The following ELAVL3 variants were observed in gnomAD, a reference collection of about 807,000 sequenced individuals.
ELAVL3 encodes the protein ELAV like RNA binding protein 3.
In ELAVL3, 8 loss-of-function variants were observed where a neutral mutation model predicts 34.2. That is an observed-to-expected ratio of 0.23 (90% CI 0.14 to 0.42). ELAVL3 has a LOEUF of 0.42. ELAVL3 is among the 10% of genes least tolerant of loss of function. The pLI is 1.00. For missense variants in ELAVL3, 273 were observed against 518.8 expected (o/e 0.53, Z 4.60); for synonymous variants, 209 against 222.1 (o/e 0.94, Z 0.53).
At position 11,452,109 on chromosome 19, in the gene ELAVL3, C is replaced by T. The variant is rs1970657899; in HGVS notation, c.*2417G>A. The T allele has an allele frequency of 6.6e-6, 1 of 152,206 alleles. No homozygotes were observed. The highest frequency in any genetic ancestry group is 2.1e-4 in the South Asian group (1 of 4,828). The allele number at this position is 152,206 out of a possible 1,614,324, so 9.4% of individuals were successfully genotyped here. On this transcript the variant is annotated 3_prime_UTR_variant, in exon 7 of 7. Transcript: ENST00000359227. The stretch of plus-strand genomic sequence containing the variant: ...AATAGGACTGAAAAAATTCTCAAGA[C>T]AAGAGCAAAAAGAATCCCATTGGTG...
At chr19:11,471,655 T>C (rs893935763) in intron 1 of ELAVL3, among the ~76,000 whole-genome samples, 1 of 151,920 alleles carries the variant, frequency 6.6e-6, no homozygotes, top group Non-Finnish European at 1.5e-5. Context: ...GGTGTCACTA[T>C]GTCGCCCAGG....
intron 3 of ELAVL3, among the ~76,000 whole-genome samples, chr19:11,465,083 A>G (rs1451586079): frequency 9.0e-6 from 1 of 111,528 alleles, no homozygotes; most frequent in African/African-American, 3.9e-5. Flanking sequence ...CCCCACACAG[A>G]CACACACACA....
At chr19:11,473,645 CA>C (rs1346936557) in intron 1 of ELAVL3, among the ~76,000 whole-genome samples, 1 of 152,190 alleles carries the variant, frequency 6.6e-6, no homozygotes, top group Non-Finnish European at 1.5e-5. Context: ...TTTCCTCCCC[CA>C]CTTCACCCCC....
In ELAVL3 at chr19:11,458,762, G is replaced by A. The variant is rs1169292667; in HGVS notation, c.334-151C>T. ...TCTAGAGTTGTCACCGTGGGGTGGG[G>A]CTGAGTCAGATATGGGAGAGGGGAC... On this transcript the variant is annotated intron_variant, in intron 3 of 6. Coordinates refer to ENST00000359227, the MANE Select transcript of ELAVL3 (RefSeq NM_001420.4). The surrounding 1 kb of genome is among the most constrained non-coding windows in gnomAD (Gnocchi z 7.3). The A allele has an allele frequency of 3.8e-6, 4 of 1,062,114 alleles. No individual in the cohort carries two copies. Among genetic ancestry groups the A allele is most frequent in the Non-Finnish European group, 5.4e-6 (4 of 740,766 alleles). 65.8% of individuals were successfully genotyped at this position (1,062,114 alleles called of 1,614,324 possible). A position where few individuals can be genotyped will look rare whatever the true frequency, so the allele number is the denominator to read the frequency against.
chr19:11,455,754 T>C (rs570717916), intron 6 of ELAVL3, among the ~76,000 whole-genome samples: 2 of 152,230 alleles, frequency 1.3e-5, no homozygotes, highest in Non-Finnish European at 2.9e-5. Context: ...ATCATATATT[T>C]ATTATCATCA....
Position 11,466,056 on chromosome 19 carries a change from A to T in ELAVL3, c.333+116T>A, listed in dbSNP as rs1971046161. 1.1e-6 allele frequency: 1 copy of T among 915,212 alleles called. No individual in the cohort carries two copies. The highest frequency in any genetic ancestry group is 1.7e-6 in the Non-Finnish European group (1 of 579,384). 56.7% of individuals were successfully genotyped at this position (915,212 alleles called of 1,614,324 possible). Reference sequence around the variant, plus strand: ...AGGGGAGATTTGAGCCCCTCTGGGGATGAGTCCTGAAAGGCAGTGGACATG... The same window carrying T: ...AGGGGAGATTTGAGCCCCTCTGGGGTTGAGTCCTGAAAGGCAGTGGACATG... On this transcript the variant is annotated intron_variant, in intron 3 of 6. Transcript: ENST00000359227. This position sits in a 1 kb window ranked among gnomAD's most constrained non-coding sequence, Gnocchi z 5.0.
intron 1 of ELAVL3, among the ~76,000 whole-genome samples, chr19:11,471,320 ATT>A (rs923007289): frequency 7.5e-6 from 1 of 133,408 alleles, no homozygotes; most frequent in Admixed American, 7.6e-5. Flanking sequence ...AAAAAAAAAA[ATT>A]TTTTTTTTTG....
chr19:11,461,213 T>C (rs1023875140), intron 3 of ELAVL3, among the ~76,000 whole-genome samples: 3 of 152,008 alleles, frequency 2.0e-5, no homozygotes, highest in African/African-American at 7.2e-5. Context: ...GACATATATA[T>C]TTATTTCCCA....
At chr19:11,459,033 G>A (rs912865007) in intron 3 of ELAVL3, among the ~76,000 whole-genome samples, 4 of 150,748 alleles carry the variant, frequency 2.7e-5, no homozygotes, top group Non-Finnish European at 5.9e-5. Context: ...CTACAGCCTC[G>A]ACCTCTTGGG....
At chr19:11,471,854 A>G (rs1033685542) in intron 1 of ELAVL3, among the ~76,000 whole-genome samples, 2 of 152,196 alleles carry the variant, frequency 1.3e-5, no homozygotes, top group Non-Finnish European at 2.9e-5. Flanking sequence ...CACTTTGCTG[A>G]AAATTCAGAA....
chr19:11,458,507 G>C lies in ELAVL3; in HGVS notation c.438C>G (p.Ser146=). 6.2e-7 allele frequency: 1 copy of C among 1,614,160 alleles called. No individual in the cohort carries two copies. Among genetic ancestry groups the C allele is most frequent in the East Asian group, 2.2e-5 (1 of 44,872 alleles). ...MSQKEMEQLF[S]QYGRIITSRI... is the part of the protein sequence containing the mutation. ...GGGACGTGATGATGCGGCCGTACTG[G>C]GAGAAGAGCTGCTCCATCTCTTTCT... is the stretch of plus-strand genomic sequence containing the variant. Residue 146 remains serine (S), a synonymous_variant, in exon 4 of 7, where the codon TCC becomes TCG. Coordinates refer to ENST00000359227, the MANE Select transcript of ELAVL3 (RefSeq NM_001420.4). This position sits in a 1 kb window ranked among gnomAD's most constrained non-coding sequence, Gnocchi z 7.3.
Position 11,455,029 on chromosome 19 carries a change from C to T in ELAVL3, c.753-152G>A, listed in dbSNP as rs966887848. The T allele has an allele frequency of 6.8e-5, 59 of 865,092 alleles. 1 individual carries two copies. The highest frequency in any genetic ancestry group is 2.9e-4 in the East Asian group (12 of 41,010). The allele number at this position is 865,092 out of a possible 1,614,324, so 53.6% of individuals were successfully genotyped here. On this transcript the variant is annotated intron_variant, in intron 6 of 6. Coordinates refer to ENST00000359227, the MANE Select transcript of ELAVL3 (RefSeq NM_001420.4). ...ATTTTTTTTTTTAGAGACACGGTCT[C>T]GCTCTGTCACCCAGGCTGGAGTGCA... is the stretch of plus-strand genomic sequence containing the variant.
Position 11,458,434 on chromosome 19 carries a change from G to T in ELAVL3, c.487+24C>A. 1 of 1,613,712 alleles carries T rather than the reference G, an allele frequency of 6.2e-7. No individual in the cohort carries two copies. The highest frequency in any genetic ancestry group is 1.1e-5 in the South Asian group (1 of 91,066). On this transcript the variant is annotated intron_variant, in intron 4 of 6. Transcript: ENST00000359227. This position sits in a 1 kb window ranked among gnomAD's most constrained non-coding sequence, Gnocchi z 7.3. The stretch of plus-strand genomic sequence containing the variant: ...TGCCTTTGCCCAGCGCCCCCGCCAG[G>T]TGCACCCTCCCTGACTGCCTGACCT...
intron 1 of ELAVL3, among the ~76,000 whole-genome samples, chr19:11,478,723 A>G (rs1267681584): frequency 6.6e-6 from 1 of 151,702 alleles, no homozygotes; most frequent in Non-Finnish European, 1.5e-5. Context: ...CTTTTCCACC[A>G]TCGCACATAC....
At chr19:11,468,182 T>G (rs1466550303) in intron 1 of ELAVL3, among the ~76,000 whole-genome samples, 1 of 152,170 alleles carries the variant, frequency 6.6e-6, no homozygotes, top group Non-Finnish European at 1.5e-5. Context: ...AATGTGCTAA[T>G]TATGTCTTTT....
At chr19:11,471,898 A>G (rs1384472066) in intron 1 of ELAVL3, among the ~76,000 whole-genome samples, 1 of 152,226 alleles carries the variant, frequency 6.6e-6, no homozygotes, top group African/African-American at 2.4e-5. Flanking sequence ...GGCTATGTAG[A>G]GGAGAATTTT....
intron 3 of ELAVL3, among the ~76,000 whole-genome samples, chr19:11,465,689 T>C (rs187172081): frequency 2.9e-3 from 434 of 151,928 alleles, no homozygotes; most frequent in African/African-American, 1.0e-2. Flanking sequence ...CCATGACGAT[T>C]CCCCCCCAGG....
At chr19:11,456,127 ACGGAATCTCACTC>A (rs1249841656) in intron 6 of ELAVL3, among the ~76,000 whole-genome samples, 1 of 148,012 alleles carries the variant, frequency 6.8e-6, no homozygotes, top group African/African-American at 2.5e-5. Flanking sequence ...TCTTTTTGAG[ACGGAATCTCACTC>A]TGTCGCCCAG....
chr19:11,464,129 C>G lies in ELAVL3; in HGVS notation c.333+2043G>C, dbSNP rs1328724154. 1.3e-3 allele frequency among the ~76,000 whole-genome samples: 118 copies of G among 92,724 alleles called. 2 individuals are homozygous for G. Among genetic ancestry groups the G allele is most frequent in the African/African-American group, 6.4e-3 (102 of 16,000 alleles). The allele number at this position is 92,724 out of a possible 152,430, so 60.8% of individuals were successfully genotyped here. ...TCTCTCTCTGTCTCTCTCTGTCTCT[C>G]TCTCTCTCTCTCTCTCTCTCTCTAT... On this transcript the variant is annotated intron_variant, in intron 3 of 6. Transcript: ENST00000359227.
Sources: gnomAD v4.1 joint callset for allele counts (sites outside exome capture counted in the v4.1 genomes callset) on GRCh38, gnomAD v4.1.1 for gene constraint, Gnocchi (gnomAD v3.1) non-coding constraint, MANE v1.5 for transcripts, NCBI Gene and HGNC (gene_info 2026-07-23, HGNC 2026-07-21) for gene names.